ERBB4: variants seen among roughly 807,000 people sequenced by gnomAD.
ERBB4 encodes erb-b2 receptor tyrosine kinase 4.
A neutral mutation model predicts 158.0 loss-of-function variants in ERBB4; 42 were observed. The observed-to-expected ratio is 0.27, with a 90% CI of 0.21 to 0.34. The LOEUF (loss-of-function observed/expected upper bound fraction) is 0.34, where lower values mean the gene tolerates loss of function less well. ERBB4 is among the 10% of genes least tolerant of loss of function. The pLI, the probability that ERBB4 is intolerant of heterozygous loss-of-function variation, is 1.00. For missense variants in ERBB4, 1,333 were observed against 1,624.1 expected (o/e 0.82, Z 3.08); for synonymous variants, 583 against 558.7 (o/e 1.04, Z -0.61).
chr2:212,047,747 G>T (rs12616270), intron 2 of ERBB4, among the ~76,000 whole-genome samples: 1 of 151,364 alleles, frequency 6.6e-6, no homozygotes, highest in Non-Finnish European at 1.5e-5. Flanking sequence ...GCCTCCCAAA[G>T]TGCTAGGATT....
At chr2:212,165,851 A>G (rs964810035) in intron 1 of ERBB4, among the ~76,000 whole-genome samples, 41 of 152,192 alleles carry the variant, frequency 2.7e-4, no homozygotes, top group African/African-American at 9.1e-4. Context: ...CACAATGCCA[A>G]CTGTCACATA....
At chr2:211,915,621 G>C (rs2079668078) in intron 3 of ERBB4, among the ~76,000 whole-genome samples, 1 of 151,806 alleles carries the variant, frequency 6.6e-6, no homozygotes, top group Non-Finnish European at 1.5e-5. Context: ...TGACACAAAA[G>C]GTCTTGGAAT....
intron 1 of ERBB4, among the ~76,000 whole-genome samples, chr2:212,286,599 T>TTTTTTTTTG (rs779242599): frequency 2.4e-5 from 2 of 83,832 alleles, no homozygotes; most frequent in Non-Finnish European, 4.3e-5. Context: ...GCTGACTTTT[T>TTTTTTTTTG]TTTTTTTTTT....
intron 1 of ERBB4, among the ~76,000 whole-genome samples, chr2:212,487,607 G>A (rs1444642554): frequency 6.7e-6 from 1 of 149,966 alleles, no homozygotes; most frequent in Non-Finnish European, 1.5e-5. Flanking sequence ...ACCTATATGT[G>A]GCTGCAATAT....
At chr2:212,451,720 C>A (rs775643250) in intron 1 of ERBB4, among the ~76,000 whole-genome samples, 38 of 152,162 alleles carry the variant, frequency 2.5e-4, no homozygotes, top group African/African-American at 8.9e-4. Flanking sequence ...ATTATTAACT[C>A]TAGTATCTGA....
chr2:211,915,711 G>T (rs929405961), intron 3 of ERBB4, among the ~76,000 whole-genome samples: 27 of 151,420 alleles, frequency 1.8e-4, no homozygotes, highest in African/African-American at 5.8e-4. Flanking sequence ...AATAAACATG[G>T]GCAGTACACC....
intron 1 of ERBB4, among the ~76,000 whole-genome samples, chr2:212,230,925 C>A (rs936737238): frequency 3.9e-5 from 6 of 152,110 alleles, no homozygotes; most frequent in Non-Finnish European, 8.8e-5. Flanking sequence ...TAAGTTGATA[C>A]CATTAAATAA....
chr2:211,557,986 G>A (rs1425960606), intron 20 of ERBB4, among the ~76,000 whole-genome samples: 3 of 152,070 alleles, frequency 2.0e-5, no homozygotes, highest in Admixed American at 1.3e-4. Flanking sequence ...TGGAGCTGGA[G>A]GCCATTATCC....
rs182282012 is a variant in ERBB4 at position 212,172,245 on chromosome 2, C to T, written c.83-47342G>A. On this transcript the variant is annotated intron_variant, in intron 1 of 27. Transcript: ENST00000342788. Reference sequence around the variant, plus strand: ...CTCATACCAGTCAGAATGGCCATTACTAAAAAGTCAAAAAACAACAGATGC... The same window carrying T: ...CTCATACCAGTCAGAATGGCCATTATTAAAAAGTCAAAAAACAACAGATGC... Among the ~76,000 whole-genome samples, 209 of 152,040 alleles carry T rather than the reference C, an allele frequency of 1.4e-3. 1 individual carries two copies. Among genetic ancestry groups the T allele is most frequent in the Non-Finnish European group, 1.9e-4 (13 of 67,964 alleles).
chr2:212,346,104 A>C (rs2088985945), intron 1 of ERBB4, among the ~76,000 whole-genome samples: 1 of 152,170 alleles, frequency 6.6e-6, no homozygotes. Flanking sequence ...CTTCCATTTT[A>C]GAAACACACT....
chr2:212,370,574 G>T lies in ERBB4; in HGVS notation c.82+167875C>A, dbSNP rs1174391483. 2.0e-5 allele frequency among the ~76,000 whole-genome samples: 3 copies of T among 151,928 alleles called. No homozygotes were observed. In the East Asian group the frequency reaches 5.8e-4, roughly 29 times the overall value. ...GGCCTTGAATTTAAAAATTTCCAGG[G>T]TGATAATTTTCATTAAAATTAATGG... On this transcript the variant is annotated intron_variant, in intron 1 of 27. Transcript: ENST00000342788.
At chr2:212,073,705 G>C (rs1452642248) in intron 2 of ERBB4, among the ~76,000 whole-genome samples, 1 of 151,898 alleles carries the variant, frequency 6.6e-6, no homozygotes, top group Non-Finnish European at 1.5e-5. Context: ...GATCTGGGCG[G>C]GAGGCAGGTT....
At chr2:212,511,474 A>G (rs369069562) in intron 1 of ERBB4, among the ~76,000 whole-genome samples, 150 of 152,292 alleles carry the variant, frequency 9.8e-4, no homozygotes, top group Middle Eastern at 6.8e-3. Flanking sequence ...TTTAAAGCAC[A>G]ATGAAATTAT....
chr2:211,417,004 A>G (rs2063408731), intron 25 of ERBB4, among the ~76,000 whole-genome samples: 1 of 152,118 alleles, frequency 6.6e-6, no homozygotes, highest in South Asian at 2.1e-4. Flanking sequence ...AGGTCCATTA[A>G]TAGGTAACGT....
At chr2:211,988,516 C>T (rs1013406796) in intron 2 of ERBB4, among the ~76,000 whole-genome samples, 1 of 152,022 alleles carries the variant, frequency 6.6e-6, no homozygotes, top group Admixed American at 6.6e-5. Context: ...TATTTTGATG[C>T]CAAATATTAG....
At position 211,762,189 on chromosome 2, in the gene ERBB4, C is replaced by A. The variant is rs568269874; in HGVS notation, c.557-11485G>T. On this transcript the variant is annotated intron_variant, in intron 4 of 27. Transcript: ENST00000342788. ...GTCAGTAGAGGTGATATGGCAGATACATAAATGGAGACAGAAATGTTTATG... is the reference window on the plus strand; with the variant it reads ...GTCAGTAGAGGTGATATGGCAGATAAATAAATGGAGACAGAAATGTTTATG... 2.0e-5 allele frequency among the ~76,000 whole-genome samples: 3 copies of A among 152,198 alleles called. No homozygotes were observed. The East Asian group carries it at 5.8e-4, about 29-fold the overall frequency.
chr2:211,439,404 C>A (rs867360093), intron 20 of ERBB4, among the ~76,000 whole-genome samples: 4 of 152,154 alleles, frequency 2.6e-5, no homozygotes, highest in Non-Finnish European at 5.9e-5. Flanking sequence ...TGTTTAAAAG[C>A]CTTCAACGTT....
chr2:212,257,114 C>A (rs2084766821), intron 1 of ERBB4, among the ~76,000 whole-genome samples: 1 of 152,050 alleles, frequency 6.6e-6, no homozygotes, highest in African/African-American at 2.4e-5. Flanking sequence ...TTCAGTGTTC[C>A]CAATGTTTAG....
intron 1 of ERBB4, among the ~76,000 whole-genome samples, chr2:212,142,849 T>C (rs1387229303): frequency 6.6e-6 from 1 of 151,698 alleles, no homozygotes; most frequent in Non-Finnish European, 1.5e-5. Flanking sequence ...AAAAACTGTA[T>C]TGTAAAACTT....
Sources: gnomAD v4.1 joint callset for allele counts (sites outside exome capture counted in the v4.1 genomes callset) on GRCh38, gnomAD v4.1.1 for gene constraint, MANE v1.5 for transcripts, NCBI Gene and HGNC (gene_info 2026-07-23, HGNC 2026-07-21) for gene names.